The following STON2 variants were observed in gnomAD, a reference collection of about 807,000 sequenced individuals.
STON2 encodes the protein stonin 2.
In STON2, 29 loss-of-function variants were observed where a neutral mutation model predicts 65.7. The ratio of observed to expected loss-of-function variants is 0.44; its 90% CI spans 0.33 to 0.60. The LOEUF (loss-of-function observed/expected upper bound fraction) is 0.60. Ranked by LOEUF, STON2 falls within the 20% of genes least tolerant of loss-of-function variation. STON2 has a pLI of 0.03. For missense variants in STON2, 1,054 were observed against 1,118.1 expected (o/e 0.94, Z 0.82); for synonymous variants, 404 against 414.2 (o/e 0.98, Z 0.30).
chr14:81,309,797 G>A (rs1205492168), intron 5 of STON2, among the ~76,000 whole-genome samples: 1 of 152,120 alleles, frequency 6.6e-6, no homozygotes, highest in Non-Finnish European at 1.5e-5. Context: ...GGAGAGTTAG[G>A]GATAACGTAC....
intron 5 of STON2, among the ~76,000 whole-genome samples, chr14:81,310,566 C>A (rs1054404721): frequency 5.9e-5 from 9 of 152,134 alleles, no homozygotes; most frequent in Admixed American, 2.0e-4. Context: ...AGCTGAGTAT[C>A]CAGATGTTAT....
intron 4 of STON2, among the ~76,000 whole-genome samples, chr14:81,360,552 A>G (rs1307130757): frequency 6.6e-6 from 1 of 152,208 alleles, no homozygotes; most frequent in African/African-American, 2.4e-5. Context: ...ATGTGATTAA[A>G]CACACAGCTA....
intron 5 of STON2, among the ~76,000 whole-genome samples, chr14:81,283,675 T>C (rs1177957800): frequency 2.0e-5 from 3 of 152,050 alleles, no homozygotes; most frequent in Admixed American, 1.3e-4. Context: ...GGACTACAGG[T>C]GCCTGCCACC....
At chr14:81,341,066 G>A (rs1409872103) in intron 4 of STON2, among the ~76,000 whole-genome samples, 1 of 152,024 alleles carries the variant, frequency 6.6e-6, no homozygotes, top group African/African-American at 2.4e-5. Flanking sequence ...TTACCTCACA[G>A]GCTGTAATTA....
At chr14:81,427,481 G>T (rs1171636179) in intron 1 of STON2, 2 of 152,148 alleles carry the variant, frequency 1.3e-5, no homozygotes. Context: ...GCCTGCTCAG[G>T]AATCGGGAAC....
chr14:81,385,624 T>C (rs1899763316), intron 3 of STON2, among the ~76,000 whole-genome samples: 1 of 152,214 alleles, frequency 6.6e-6, no homozygotes, highest in Non-Finnish European at 1.5e-5. Flanking sequence ...GGCGCCATCC[T>C]TCAAGTTCTA....
chr14:81,269,152 C>T (rs1307754922), intron 7 of STON2: 9 of 181,052 alleles, frequency 5.0e-5, no homozygotes, highest in South Asian at 1.9e-4. Context: ...ATTACAGGCA[C>T]GCACCACTGC....
chr14:81,308,685 G>C (rs1896276776), intron 5 of STON2, among the ~76,000 whole-genome samples: 1 of 150,936 alleles, frequency 6.6e-6, no homozygotes, highest in Non-Finnish European at 1.5e-5. Context: ...AAAGAAGAGA[G>C]GGCAGCTTTT....
intron 5 of STON2, among the ~76,000 whole-genome samples, chr14:81,303,283 A>G (rs1164352350): frequency 2.6e-5 from 4 of 152,212 alleles, no homozygotes; most frequent in African/African-American, 7.2e-5. Flanking sequence ...CTCTGCTTTT[A>G]GTCATTATTA....
intron 4 of STON2, among the ~76,000 whole-genome samples, chr14:81,340,359 T>TA (rs1431697441): frequency 1.3e-5 from 2 of 152,136 alleles, no homozygotes; most frequent in African/African-American, 4.8e-5. Flanking sequence ...GGTTAGTGGA[T>TA]ACGTTCATTA....
chr14:81,384,999 C>T (rs1412229127), intron 3 of STON2, among the ~76,000 whole-genome samples: 3 of 152,148 alleles, frequency 2.0e-5, no homozygotes, highest in Non-Finnish European at 4.4e-5. Context: ...CTTGTTCACT[C>T]CCCAAAAGCT....
At position 81,277,092 on chromosome 14, in the gene STON2, T is replaced by C; in HGVS notation, c.2390A>G (p.Lys797Arg). The change falls in exon 6 of 8, where the codon AAA (lysine) becomes AGA (arginine). Residue 797 changes from lysine to arginine, a missense_variant. Coordinates refer to ENST00000614646, the MANE Select transcript of STON2 (RefSeq NM_001394390.1). ...IRYPVPSEWV[K>R]NFRRESVLGE... ...CAGGACACTTTCCCTGCGGAAGTTT[T>C]TCACCCACTCACTGGGCACAGGGTA... 6.2e-7 allele frequency: 1 copy of C among 1,614,200 alleles called. No individual in the cohort carries two copies. Among genetic ancestry groups the C allele is most frequent in the East Asian group, 2.2e-5 (1 of 44,876 alleles).
Position 81,277,035 on chromosome 14 carries a change from C to G in STON2, c.2447G>C (p.Arg816Pro). ...GEKSLKAKVNRGASFGSTSVS... is the reference protein window; with the variant it reads ...GEKSLKAKVNPGASFGSTSVS... Reference sequence around the variant, plus strand: ...ACTAGTGGAGCCAAAACTTGCCCCCCGGTTCACTTTGGCTTTCAAAGACTT... The same window carrying G: ...ACTAGTGGAGCCAAAACTTGCCCCCGGGTTCACTTTGGCTTTCAAAGACTT... Residue 816 changes from arginine (R) to proline (P), a missense_variant, in exon 6 of 8, where the codon CGG becomes CCG. Transcript: ENST00000614646. 3 of 1,614,214 alleles carry G rather than the reference C, an allele frequency of 1.9e-6. No individual in the cohort carries two copies. The highest frequency in any genetic ancestry group is 2.2e-5 in the South Asian group (2 of 91,090).
chr14:81,387,403 C>T (rs1002405991), intron 3 of STON2, among the ~76,000 whole-genome samples: 14 of 152,016 alleles, frequency 9.2e-5, no homozygotes, highest in African/African-American at 2.4e-4. Flanking sequence ...CAACATGGCC[C>T]GACTCAAATG....
chr14:81,419,592 C>T (rs1310090966), intron 2 of STON2, among the ~76,000 whole-genome samples: 1 of 152,202 alleles, frequency 6.6e-6, no homozygotes, highest in Non-Finnish European at 1.5e-5. Flanking sequence ...CTTGCATAGA[C>T]AAGGACAGGG....
chr14:81,278,471 C>T lies in STON2; in HGVS notation c.1011G>A (p.Lys337=). Residue 337 remains lysine (K), a synonymous_variant, in exon 6 of 8, where the codon AAG becomes AAA. Coordinates refer to ENST00000614646, the MANE Select transcript of STON2 (RefSeq NM_001394390.1). ...CTTTGGAGAAGTTCATCAAAGTGCT[C>T]TTGGGACGGTCCCTCTTCTTAAATG... ...MGSFKKRDRP[K]STLMNFSKVQ... 1 of 1,614,200 alleles carries T rather than the reference C, an allele frequency of 6.2e-7. No homozygotes were observed.
intron 3 of STON2, chr14:81,395,091 G>A (rs1418327185): frequency 6.6e-6 from 1 of 152,134 alleles, no homozygotes; most frequent in Non-Finnish European, 1.5e-5. Flanking sequence ...CCATTGAAAT[G>A]CCACAAAATA....
intron 3 of STON2, among the ~76,000 whole-genome samples, chr14:81,380,340 T>C (rs1271342917): frequency 1.3e-5 from 2 of 152,066 alleles, no homozygotes; most frequent in African/African-American, 4.8e-5. Flanking sequence ...CAAAAAATAA[T>C]AGATGCTGTT....
Position 81,293,130 on chromosome 14 carries a change from G to A in STON2, c.743-14391C>T, listed in dbSNP as rs147674052. On this transcript the variant is annotated intron_variant, in intron 5 of 7. Transcript: ENST00000614646. ...ATAGTGGGGGCTAAGTTATTCAGAC[G>A]GTGGCACCCTAGGAAGCCTTCACCT... 1.2e-4 allele frequency among the ~76,000 whole-genome samples: 18 copies of A among 151,918 alleles called. No homozygotes were observed. The East Asian group carries it at 1.7e-3, about 15-fold the overall frequency.
Sources: allele counts gnomAD v4.1 joint callset (sites outside exome capture counted in the v4.1 genomes callset), GRCh38; gene constraint gnomAD v4.1.1; transcripts MANE v1.5; gene names NCBI Gene and HGNC (gene_info 2026-07-23, HGNC 2026-07-21).